The following SMARCA4 variants were observed in gnomAD, a reference collection of about 807,000 sequenced individuals.
SMARCA4 encodes the protein SWI/SNF-related matrix-associated actin-dependent regulator of chromatin subfamily A member 4.
In SMARCA4, 31 loss-of-function variants were observed where a neutral mutation model predicts 193.9. The ratio of observed to expected loss-of-function variants is 0.16; its 90% CI spans 0.12 to 0.22. The LOEUF (loss-of-function observed/expected upper bound fraction) is 0.22, where lower values mean the gene tolerates loss of function less well. Among genes scored for constraint, SMARCA4 ranks in the 10% least tolerant of loss-of-function variants. The pLI, the probability that SMARCA4 is intolerant of heterozygous loss-of-function variation, is 1.00. For synonymous variants in SMARCA4, 942 were observed against 933.1 expected (o/e 1.01, Z -0.17); for missense variants, 1,148 against 2,296.0 (o/e 0.50, Z 10.22).
chr19:10,963,363 A>G (rs1221475971), intron 1 of SMARCA4, among the ~76,000 whole-genome samples: 1 of 131,844 alleles, frequency 7.6e-6, no homozygotes, highest in Non-Finnish European at 1.6e-5. Flanking sequence ...CCAGAGTAAG[A>G]CTGTCTCAAA....
intron 29 of SMARCA4, among the ~76,000 whole-genome samples, chr19:11,036,659 A>T (rs1243014087): frequency 6.6e-6 from 1 of 152,180 alleles, no homozygotes; most frequent in Non-Finnish European, 1.5e-5. Flanking sequence ...TTTACATACC[A>T]TACAGTTCAC....
At chr19:10,972,771 G>C (rs1014486428) in intron 1 of SMARCA4, among the ~76,000 whole-genome samples, 20 of 152,168 alleles carry the variant, frequency 1.3e-4, no homozygotes, top group African/African-American at 4.6e-4. Context: ...CAGCAGACCC[G>C]GTGGTGGCGC....
At chr19:11,046,812 C>T (rs2075950929) in intron 30 of SMARCA4, among the ~76,000 whole-genome samples, 1 of 151,950 alleles carries the variant, frequency 6.6e-6, no homozygotes, top group African/African-American at 2.4e-5. Context: ...AAAAATTAGC[C>T]AGGCGTGGTG....
At chr19:11,017,512 C>T (rs938427090) in intron 16 of SMARCA4, among the ~76,000 whole-genome samples, 9 of 152,368 alleles carry the variant, frequency 5.9e-5, no homozygotes, top group East Asian at 1.9e-4. Context: ...TATGGGCATC[C>T]GGCTGTGCCG....
intron 1 of SMARCA4, among the ~76,000 whole-genome samples, chr19:10,982,067 G>A (rs915676849): frequency 1.6e-4 from 24 of 151,840 alleles, no homozygotes; most frequent in Non-Finnish European, 2.9e-4. Flanking sequence ...GGCCAGGAAC[G>A]GTGGCTCACA....
At chr19:10,997,026 GT>G (rs536279659) in intron 11 of SMARCA4, among the ~76,000 whole-genome samples, 60 of 143,778 alleles carry the variant, frequency 4.2e-4, no homozygotes, top group African/African-American at 6.1e-4. Context: ...CAGCTAAGTT[GT>G]TTTTTTTTTT....
intron 1 of SMARCA4, among the ~76,000 whole-genome samples, chr19:10,972,175 T>A (rs545986826): frequency 1.3e-5 from 2 of 152,060 alleles, no homozygotes; most frequent in East Asian, 3.9e-4. Flanking sequence ...GCCAGGCTGG[T>A]CTCAAACTCC....
At chr19:10,995,267 C>T in intron 9 of SMARCA4, 1 of 612,580 alleles carries the variant, frequency 1.6e-6, no homozygotes, top group Non-Finnish European at 3.1e-6. Flanking sequence ...GTGCCCCCTT[C>T]CCTCGTTCTG....
At chr19:11,050,186 G>C (rs1406571274) in intron 30 of SMARCA4, among the ~76,000 whole-genome samples, 1 of 152,262 alleles carries the variant, frequency 6.6e-6, no homozygotes, top group Admixed American at 6.5e-5. Context: ...TTCAGGGCTA[G>C]AGGGGCACAA....
intron 30 of SMARCA4, among the ~76,000 whole-genome samples, chr19:11,042,466 C>G (rs1278095120): frequency 6.6e-6 from 1 of 152,220 alleles, no homozygotes; most frequent in Non-Finnish European, 1.5e-5. Context: ...GGTCTTATTT[C>G]ACTTCCTGGT....
At position 11,033,549 on chromosome 19, in the gene SMARCA4, A is replaced by G. The variant is rs373097839; in HGVS notation, c.3774+32A>G. 3 of 1,536,228 alleles carry G rather than the reference A, an allele frequency of 2.0e-6. No individual in the cohort carries two copies. Among genetic ancestry groups the G allele is most frequent in the African/African-American group, 2.7e-5 (2 of 73,402 alleles). On this transcript the variant is annotated intron_variant, in intron 26 of 34. Transcript: ENST00000344626. The surrounding 1 kb of genome is among the most constrained non-coding windows in gnomAD (Gnocchi z 9.8). ...CCAGCACCGGCCCCGACCCCTCCCC[A>G]GCGTGAATGGTGGACGCGTGAGCGG...
rs961800664 is a variant in SMARCA4, at chr19:11,033,054, A to G, written c.3547-236A>G. ...CTTCCCGAATATCTGTGGGGTCCCAATAAGGTAGAAGGTGGCACTTCTGGA... is the reference window on the plus strand; with the variant it reads ...CTTCCCGAATATCTGTGGGGTCCCAGTAAGGTAGAAGGTGGCACTTCTGGA... On this transcript the variant is annotated intron_variant, in intron 25 of 34. Transcript: ENST00000344626. This position sits in a 1 kb window ranked among gnomAD's most constrained non-coding sequence, Gnocchi z 9.8. 5 of 609,656 alleles carry G rather than the reference A, an allele frequency of 8.2e-6. No homozygotes were observed. Among genetic ancestry groups the G allele is most frequent in the East Asian group, 5.6e-5 (2 of 35,476 alleles). 37.8% of individuals were successfully genotyped at this position (609,656 alleles called of 1,614,324 possible).
In SMARCA4 at chr19:11,049,873, G is replaced by A. The variant is rs990328401; in HGVS notation, c.4424+8313G>A. On this transcript the variant is annotated intron_variant, in intron 30 of 34. Coordinates refer to ENST00000344626, the MANE Select transcript of SMARCA4 (RefSeq NM_003072.5). ...TCCCAGCACTTTGGGAGGCCAAGCC[G>A]GGCTGATCACTTGAGCTCAGAAGTT... Among the ~76,000 whole-genome samples the A allele has an allele frequency of 1.2e-4, 19 of 152,214 alleles. 1 individual carries two copies. Among genetic ancestry groups the A allele is most frequent in the African/African-American group, 4.1e-4 (17 of 41,462 alleles).
chr19:10,996,673 T>C, intron 11 of SMARCA4, 129 bp downstream of exon 11: 5 of 929,380 alleles, frequency 5.4e-6, no homozygotes, highest in Non-Finnish European at 8.7e-6. Flanking sequence ...AATCCCAGGG[T>C]GTCCTCTGAC....
At chr19:11,048,514 C>T (rs1361450068) in intron 30 of SMARCA4, among the ~76,000 whole-genome samples, 1 of 152,218 alleles carries the variant, frequency 6.6e-6, no homozygotes, top group Non-Finnish European at 1.5e-5. Context: ...TGAGTTCTAA[C>T]AATTCAAAGA....
intron 8 of SMARCA4, among the ~76,000 whole-genome samples, chr19:10,993,304 G>C (rs2086718703): frequency 6.6e-6 from 1 of 152,140 alleles, no homozygotes; most frequent in Non-Finnish European, 1.5e-5. Context: ...TTGTTTTTAA[G>C]TATCATGGAA....
chr19:10,995,544 G>C (rs1045343398), intron 9 of SMARCA4: 3 of 455,578 alleles, frequency 6.6e-6, no homozygotes, highest in Admixed American at 2.4e-5. Context: ...GGACAGGGTA[G>C]TAAGTAAAAG....
Position 10,984,378 on chromosome 19 carries a change from G to A in SMARCA4, c.222+5G>A, listed in dbSNP as rs1555751086. On this transcript the variant is annotated splice_donor_5th_base_variant and intron_variant, in intron 2 of 34. Transcript: ENST00000344626. The surrounding 1 kb of genome is among the most constrained non-coding windows in gnomAD (Gnocchi z 4.3). The stretch of plus-strand genomic sequence containing the variant: ...AACATGCACCAGATGCACAAGGTAG[G>A]GATCCCTGTGCCCGCCTCGCACCTG... The A allele has an allele frequency of 6.4e-7, 1 of 1,574,696 alleles. No individual in the cohort carries two copies. Among genetic ancestry groups the A allele is most frequent in the East Asian group, 2.4e-5 (1 of 42,346 alleles).
In SMARCA4 at chr19:11,051,465, G is replaced by A. The variant is rs114251066; in HGVS notation, c.4425-6790G>A. Among the ~76,000 whole-genome samples the A allele has an allele frequency of 2.0e-3, 311 of 151,722 alleles. 4 individuals are homozygous for A. Among genetic ancestry groups the A allele is most frequent in the African/African-American group, 7.1e-3 (293 of 41,352 alleles). On this transcript the variant is annotated intron_variant, in intron 30 of 34. Transcript: ENST00000344626. ...CAGTGAGCCTGTGCCGCAGTCGTCC[G>A]AGGGAACACAGTGGGGACATATTTC...
Sources: allele counts gnomAD v4.1 joint callset (sites outside exome capture counted in the v4.1 genomes callset), GRCh38; gene constraint gnomAD v4.1.1; non-coding constraint Gnocchi (gnomAD v3.1); transcripts MANE v1.5; gene names NCBI Gene and HGNC (gene_info 2026-07-23, HGNC 2026-07-21).